The following SMARCA5 variants were observed in gnomAD, a reference collection of about 807,000 sequenced individuals.
SMARCA5 encodes SNF2 related chromatin remodeling ATPase 5.
A neutral mutation model predicts 140.4 loss-of-function variants in SMARCA5; 18 were observed. That is an observed-to-expected ratio of 0.13 (90% confidence interval 0.09 to 0.19). The LOEUF is 0.19. Ranked by LOEUF, SMARCA5 falls within the 10% of genes least tolerant of loss-of-function variation. The pLI, the probability that SMARCA5 is intolerant of heterozygous loss-of-function variation, is 1.00. For synonymous variants in SMARCA5, 449 were observed against 419.6 expected (o/e 1.07, Z -0.86); for missense variants, 606 against 1,276.8 (o/e 0.47, Z 8.01).
chr4:143,516,731 A>AT lies in SMARCA5; in HGVS notation c.178-616dup, dbSNP rs921237110. The stretch of plus-strand genomic sequence containing the variant: ...TCATTAATGAAGATTACTTCTGCCA[A>AT]TTTTTTTTAATGGATGAATAGAACT... On this transcript the variant is annotated intron_variant, in intron 1 of 23. Transcript: ENST00000283131. Among the ~76,000 whole-genome samples, 5 of 151,960 alleles carry AT rather than the reference A, an allele frequency of 3.3e-5. No individual in the cohort carries two copies. The South Asian group carries it at 1.0e-3, about 32-fold the overall frequency.
intron 6 of SMARCA5, among the ~76,000 whole-genome samples, chr4:143,526,683 A>C (rs79091215): frequency 1.3e-5 from 2 of 152,124 alleles, no homozygotes; most frequent in African/African-American, 4.8e-5. Context: ...AACACAGTGA[A>C]ACCCCGTTTC....
chr4:143,517,504 C>A, intron 2 of SMARCA5, 75 bp downstream of exon 2: 1 of 835,118 alleles, frequency 1.2e-6, no homozygotes, highest in Non-Finnish European at 1.9e-6. Context: ...AAACATCTAT[C>A]TTAGTCCATT....
intron 6 of SMARCA5, among the ~76,000 whole-genome samples, chr4:143,527,662 A>T (rs1413484698): frequency 6.6e-6 from 1 of 152,152 alleles, no homozygotes; most frequent in Non-Finnish European, 1.5e-5. Context: ...TCAGTTTTTT[A>T]AAACTTAATG....
At chr4:143,526,646 G>A (rs988580204) in intron 6 of SMARCA5, among the ~76,000 whole-genome samples, 186 bp downstream of exon 6, 1 of 152,024 alleles carries the variant, frequency 6.6e-6, no homozygotes, top group Non-Finnish European at 1.5e-5. Flanking sequence ...TGGATCATGA[G>A]GTCAGGAGAT....
At position 143,553,349 on chromosome 4, in the gene SMARCA5, G is replaced by A; in HGVS notation, c.*165G>A. 1 of 508,594 alleles carries A rather than the reference G, an allele frequency of 2.0e-6. No individual in the cohort carries two copies. Among genetic ancestry groups the A allele is most frequent in the Non-Finnish European group, 3.5e-6 (1 of 283,584 alleles). The allele number at this position is 508,594 out of a possible 1,614,324, so 31.5% of individuals were successfully genotyped here. ...AGTATGTAGTTTCACTTTTTTAAATGCAACAGCTGTGCTGAAATTTTTTTA... is the reference window on the plus strand; with the variant it reads ...AGTATGTAGTTTCACTTTTTTAAATACAACAGCTGTGCTGAAATTTTTTTA... On this transcript the variant is annotated 3_prime_UTR_variant, in exon 24 of 24. Transcript: ENST00000283131.
rs35601522 is a variant in SMARCA5, at chr4:143,517,442, C to T, written c.252+13C>T. The T allele has an allele frequency of 0.15, 237,363 of 1,562,944 alleles. 19,341 individuals carry two copies. The highest frequency in any genetic ancestry group is 0.19 in the South Asian group (16,741 of 86,430). On this transcript the variant is annotated intron_variant, in intron 2 of 23. Transcript: ENST00000283131. ...TGAAGAAAAAATGGTATGTTCTAGG[C>T]TTGTGAATAGAGTCTATAAGGAAAA...
chr4:143,519,279 A>C (rs1736907746), intron 2 of SMARCA5, among the ~76,000 whole-genome samples: 1 of 152,178 alleles, frequency 6.6e-6, no homozygotes, highest in Non-Finnish European at 1.5e-5. Context: ...AGGTATACTC[A>C]AGATGTTCAT....
Position 143,550,060 on chromosome 4 carries a change from GA to G in SMARCA5, c.3053del (p.Lys1018ArgfsTer33). On this transcript the variant is annotated frameshift_variant, in exon 23 of 24. Transcript: ENST00000283131. LOFTEE classifies it high-confidence loss of function. ...LIERENMELE[E>X]KEKAEKKKRG... is the part of the protein sequence containing the mutation. ...TGAAAGAGAAAACATGGAACTAGAAGAAAAGGAGAAGGCAGAGAAAAAGAAA... is the reference window on the plus strand; with the variant it reads ...TGAAAGAGAAAACATGGAACTAGAAGAAAGGAGAAGGCAGAGAAAAAGAAA... 1 of 1,591,870 alleles carries G rather than the reference GA, an allele frequency of 6.3e-7. No homozygotes were observed. Among genetic ancestry groups the G allele is most frequent in the Non-Finnish European group, 8.5e-7 (1 of 1,172,260 alleles).
chr4:143,514,057 G>A lies in SMARCA5; in HGVS notation c.133G>A (p.Val45Ile). ...GGPEGVAAQA[V>I]ASAASAGPAD... ...CCCCGAAGGCGTCGCGGCGCAGGCG[G>A]TTGCGTCTGCGGCCAGCGCTGGTCC... The change falls in exon 1 of 24, where the codon GTT becomes ATT. Residue 45 changes from valine to isoleucine, a missense_variant. Physicochemically the swap from Val to Ile is conservative, Grantham distance 29 (BLOSUM62 3). This residue lies in a region of SMARCA5 where 164 missense variants were observed against 128.4 expected (regional missense o/e 1.28). Coordinates refer to ENST00000283131, the MANE Select transcript of SMARCA5 (RefSeq NM_003601.4). 2 of 1,562,312 alleles carry A rather than the reference G, an allele frequency of 1.3e-6. No homozygotes were observed. The highest frequency in any genetic ancestry group is 1.7e-6 in the Non-Finnish European group (2 of 1,162,524).
intron 8 of SMARCA5, 54 bp downstream of exon 8, chr4:143,528,768 A>C: frequency 6.5e-7 from 1 of 1,526,916 alleles, no homozygotes; most frequent in Non-Finnish European, 8.9e-7. Context: ...TTAATGCTAT[A>C]TATTTTTGTA....
Position 143,556,582 on chromosome 4 carries a change from A to G in SMARCA5, c.*3398A>G, listed in dbSNP as rs1236619940. On this transcript the variant is annotated 3_prime_UTR_variant, in exon 24 of 24. Transcript: ENST00000283131. ...AAATCCAAATGAATGGAATGCTAGA[A>G]GACATGTATTAACGGAGTAGCTGTT... The G allele has an allele frequency of 6.6e-6, 1 of 152,230 alleles. No homozygotes were observed. The highest frequency in any genetic ancestry group is 1.5e-5 in the Non-Finnish European group (1 of 68,042). 9.4% of individuals were successfully genotyped at this position (152,230 alleles called of 1,614,324 possible). A position where few individuals can be genotyped will look rare whatever the true frequency, so the allele number is the denominator to read the frequency against.
rs757736557 is a variant in SMARCA5 at position 143,525,482 on chromosome 4, G to A, written c.552G>A (p.Gln184=). ...YVKWGKLRDY[Q]VRGLNWLISL... ...AATGGGGTAAACTGAGAGATTATCAGGTCCGAGGATTAAACTGGCTCATTT... is the reference window on the plus strand; with the variant it reads ...AATGGGGTAAACTGAGAGATTATCAAGTCCGAGGATTAAACTGGCTCATTT... The change falls in exon 5 of 24, where the codon CAG becomes CAA. Residue 184 remains glutamine, a synonymous_variant. Coordinates refer to ENST00000283131, the MANE Select transcript of SMARCA5 (RefSeq NM_003601.4). 1.2e-6 allele frequency: 2 copies of A among 1,613,130 alleles called. No homozygotes were observed. The highest frequency in any genetic ancestry group is 2.2e-5 in the South Asian group (2 of 91,070).
At position 143,528,788 on chromosome 4, in the gene SMARCA5, G is replaced by C. The variant is rs909261371; in HGVS notation, c.1089+74G>C. On this transcript the variant is annotated intron_variant, in intron 8 of 23. Transcript: ENST00000283131. ...GCTATATATTTTTGTAATAAAAGTG[G>C]CCTGCCTTTTAGCATGGCTTGAGGT... 1.9e-5 allele frequency: 27 copies of C among 1,398,782 alleles called. No homozygotes were observed. In the African/African-American group the frequency reaches 3.5e-4, roughly 18 times the overall value. 86.6% of individuals were successfully genotyped at this position (1,398,782 alleles called of 1,614,324 possible).
At chr4:143,539,973 G>A (rs1382628692) in intron 13 of SMARCA5, among the ~76,000 whole-genome samples, 1 of 152,206 alleles carries the variant, frequency 6.6e-6, no homozygotes, top group Non-Finnish European at 1.5e-5. Context: ...TTGACTACTT[G>A]TATATAGTTA....
chr4:143,555,403 A>C lies in SMARCA5; in HGVS notation c.*2219A>C. The C allele has an allele frequency of 1.5e-6, 1 of 666,462 alleles. No homozygotes were observed. The allele number at this position is 666,462 out of a possible 1,614,324, so 41.3% of individuals were successfully genotyped here. On this transcript the variant is annotated 3_prime_UTR_variant, in exon 24 of 24. Coordinates refer to ENST00000283131, the MANE Select transcript of SMARCA5 (RefSeq NM_003601.4). ...CATGGCTGCCACCAAAGCCACCACG[A>C]TCACAGAACTTGATGACTGTATTTG...
In SMARCA5 at chr4:143,528,037, T is replaced by C. The variant is rs557718054; in HGVS notation, c.957+14T>C. ...GAAAAATCTAAGGTAATTTGATACT[T>C]AGATGTGAAAAGCCTTCATGTAAGA... On this transcript the variant is annotated intron_variant, in intron 7 of 23. Transcript: ENST00000283131. The C allele has an allele frequency of 3.6e-5, 55 of 1,541,760 alleles. No individual in the cohort carries two copies. In the East Asian group the frequency reaches 1.2e-3, roughly 34 times the overall value.
Position 143,557,479 on chromosome 4 carries a change from A to G in SMARCA5, c.*4295A>G, listed in dbSNP as rs1204753743. ...TTATTTCACTTCATTAAACTTTTGA[A>G]GTCCTAATTTAGTTCATGTGATTAT... On this transcript the variant is annotated 3_prime_UTR_variant, in exon 24 of 24. Transcript: ENST00000283131. 1 of 152,242 alleles carries G rather than the reference A, an allele frequency of 6.6e-6. No homozygotes were observed. Among genetic ancestry groups the G allele is most frequent in the Non-Finnish European group, 1.5e-5 (1 of 68,048 alleles). 9.4% of individuals were successfully genotyped at this position (152,242 alleles called of 1,614,324 possible).
At chr4:143,549,187 GTTCCATGTTAA>G (rs1737591196) in intron 22 of SMARCA5, among the ~76,000 whole-genome samples, 2 of 151,896 alleles carry the variant, frequency 1.3e-5, no homozygotes, top group Non-Finnish European at 2.9e-5. Flanking sequence ...TTCTTAACAT[GTTCCATGTTAA>G]GATGCACAAA....
At chr4:143,544,067 A>C (rs1318653519) in intron 16 of SMARCA5, 95 bp downstream of exon 16, 16 of 912,946 alleles carry the variant, frequency 1.8e-5, no homozygotes, top group Non-Finnish European at 2.3e-5. Flanking sequence ...ATTTTGCTTA[A>C]AACAGTAGTC....
Sources: allele counts gnomAD v4.1 joint callset (sites outside exome capture counted in the v4.1 genomes callset), GRCh38; gene constraint gnomAD v4.1.1; regional missense constraint gnomAD v4.1.1; transcripts MANE v1.5; gene names NCBI Gene and HGNC (gene_info 2026-07-23, HGNC 2026-07-21).